EFCAB6: variants seen among roughly 807,000 people sequenced by gnomAD.
The protein encoded by EFCAB6 is EF-hand calcium-binding domain-containing protein 6.
In EFCAB6, 156 loss-of-function variants were observed where a neutral mutation model predicts 169.8. The observed-to-expected ratio is 0.92, with a 90% confidence interval of 0.81 to 1.05. The LOEUF (loss-of-function observed/expected upper bound fraction) is 1.05, where lower values mean the gene tolerates loss of function less well. Ranked by LOEUF, EFCAB6 falls within the 50% of genes least tolerant of loss-of-function variation. The pLI is 0.00. For synonymous variants in EFCAB6, 698 were observed against 676.4 expected (o/e 1.03, Z -0.50); for missense variants, 1,800 against 1,829.1 (o/e 0.98, Z 0.29).
rs750042471 is a variant in EFCAB6 at position 43,528,830 on chromosome 22, C to T, written c.*23G>A. ...GAAACAGGCCCTGTGGCTGTCGTCCCGCTGGGCACACAGCAGGGGTGTCTA... is the reference window on the plus strand; with the variant it reads ...GAAACAGGCCCTGTGGCTGTCGTCCTGCTGGGCACACAGCAGGGGTGTCTA... On this transcript the variant is annotated 3_prime_UTR_variant, in exon 32 of 32. Transcript: ENST00000262726. 22 of 1,576,294 alleles carry T rather than the reference C, an allele frequency of 1.4e-5. No individual in the cohort carries two copies. Among genetic ancestry groups the T allele is most frequent in the East Asian group, 2.3e-5 (1 of 43,954 alleles).
intron 6 of EFCAB6, among the ~76,000 whole-genome samples, chr22:43,737,590 C>G (rs2060193377): frequency 6.6e-6 from 1 of 151,636 alleles, no homozygotes; most frequent in Non-Finnish European, 1.5e-5. Context: ...CTCACACATA[C>G]ACCATCACTC....
At chr22:43,559,960 C>T (rs1415078202) in intron 26 of EFCAB6, among the ~76,000 whole-genome samples, 1 of 152,150 alleles carries the variant, frequency 6.6e-6, no homozygotes, top group African/African-American at 2.4e-5. Flanking sequence ...AGGAAACCAC[C>T]ATGGCACATG....
At chr22:43,662,343 T>C (rs2057046845) in intron 17 of EFCAB6, among the ~76,000 whole-genome samples, 1 of 152,174 alleles carries the variant, frequency 6.6e-6, no homozygotes, top group African/African-American at 2.4e-5. Flanking sequence ...CCATTCTCCC[T>C]CATTGATCCG....
chr22:43,763,536 A>C (rs2147917059), intron 5 of EFCAB6, among the ~76,000 whole-genome samples: 1 of 152,246 alleles, frequency 6.6e-6, no homozygotes, highest in Non-Finnish European at 1.5e-5. Flanking sequence ...CTTACACCTA[A>C]ACTGCATCAG....
chr22:43,648,729 A>C lies in EFCAB6; in HGVS notation c.1984-13513T>G, dbSNP rs118009565. On this transcript the variant is annotated intron_variant, in intron 17 of 31. Coordinates refer to ENST00000262726, the MANE Select transcript of EFCAB6 (RefSeq NM_022785.4). ...TAAAATGTTGAAATTATTGTAAATA[A>C]TAATAATAACGAAGAAGAAGAATCA... 1.5e-4 allele frequency among the ~76,000 whole-genome samples: 23 copies of C among 152,334 alleles called. No individual in the cohort carries two copies. In the East Asian group the frequency reaches 4.4e-3, roughly 29 times the overall value.
intron 2 of EFCAB6, among the ~76,000 whole-genome samples, chr22:43,803,993 C>T (rs904797534): frequency 2.0e-5 from 3 of 152,140 alleles, no homozygotes; most frequent in African/African-American, 7.2e-5. Context: ...ATTATAGACA[C>T]GCACCACTGT....
chr22:43,680,227 C>T (rs899575766), intron 12 of EFCAB6, among the ~76,000 whole-genome samples: 3 of 152,168 alleles, frequency 2.0e-5, no homozygotes, highest in African/African-American at 7.2e-5. Context: ...CTTTCCCCCA[C>T]TGAATTTGTC....
intron 9 of EFCAB6, 64 bp from the exon 10 acceptor site, chr22:43,711,687 AT>A: frequency 6.5e-7 from 1 of 1,538,246 alleles, no homozygotes; most frequent in East Asian, 2.4e-5. Context: ...CTATTCAACC[AT>A]TTTATTTTTA....
At chr22:43,684,615 T>A (rs1416844823) in intron 11 of EFCAB6, among the ~76,000 whole-genome samples, 2 of 152,124 alleles carry the variant, frequency 1.3e-5, no homozygotes, top group African/African-American at 2.4e-5. Context: ...TGTTTGGGAG[T>A]TTTTGTTGCT....
intron 24 of EFCAB6, among the ~76,000 whole-genome samples, chr22:43,583,862 AT>A (rs76367008): frequency 0.039 from 5,874 of 151,946 alleles, 125 homozygotes; most frequent in African/African-American, 0.05. Context: ...CACAGTTTAC[AT>A]TTTTTTATGG....
At chr22:43,576,241 A>T in intron 26 of EFCAB6, 56 bp downstream of exon 26, 1 of 1,485,970 alleles carries the variant, frequency 6.7e-7, no homozygotes. Context: ...CCATTTTGTA[A>T]AAACTAATTT....
intron 7 of EFCAB6, among the ~76,000 whole-genome samples, chr22:43,734,907 A>G (rs2060077595): frequency 6.6e-6 from 1 of 152,184 alleles, no homozygotes; most frequent in South Asian, 2.1e-4. Context: ...TCTTTATGAG[A>G]TACAAGGAGC....
chr22:43,703,256 C>A (rs2058831488), intron 10 of EFCAB6, among the ~76,000 whole-genome samples: 1 of 152,238 alleles, frequency 6.6e-6, no homozygotes, highest in Non-Finnish European at 1.5e-5. Flanking sequence ...AGAGCCAACA[C>A]AGTAGCCCAG....
At chr22:43,655,814 C>T (rs1199511169) in intron 17 of EFCAB6, among the ~76,000 whole-genome samples, 1 of 152,110 alleles carries the variant, frequency 6.6e-6, no homozygotes, top group Non-Finnish European at 1.5e-5. Context: ...GCCATGTGAA[C>T]ACTCATCAAA....
In EFCAB6 at chr22:43,530,858, T is replaced by A. The variant is rs776633265; in HGVS notation, c.4340A>T (p.Asp1447Val). The A allele has an allele frequency of 1.9e-6, 3 of 1,614,054 alleles. No individual in the cohort carries two copies. Among genetic ancestry groups the A allele is most frequent in the Non-Finnish European group, 2.5e-6 (3 of 1,180,054 alleles). The change falls in exon 31 of 32, where the codon GAT becomes GTT. Residue 1447 changes from aspartate (D) to valine (V), a missense_variant. Coordinates refer to ENST00000262726, the MANE Select transcript of EFCAB6 (RefSeq NM_022785.4). ...RPMRRTFKSYDEAGTGLLSVA... is the reference protein window; with the variant it reads ...RPMRRTFKSYVEAGTGLLSVA... The stretch of plus-strand genomic sequence containing the variant: ...GCTTAGCAGCCCTGTTCCAGCCTCA[T>A]CATAGCTTTTGAACGTGCGCCGCAT...
chr22:43,725,353 C>T (rs962076916), intron 8 of EFCAB6, among the ~76,000 whole-genome samples: 7 of 152,258 alleles, frequency 4.6e-5, no homozygotes, highest in Non-Finnish European at 4.4e-5. Flanking sequence ...GTTAGTCAGG[C>T]TGGTCTTGAA....
rs568179388 is a variant in EFCAB6, at chr22:43,710,866, T to C, written c.1031+609A>G. ...AGGGTAGGGAGTCAGGGGAGGGAGA[T>C]AGGGAAACATGTAAAATGACACTGT... On this transcript the variant is annotated intron_variant, in intron 10 of 31. Coordinates refer to ENST00000262726, the MANE Select transcript of EFCAB6 (RefSeq NM_022785.4). Among the ~76,000 whole-genome samples the C allele has an allele frequency of 1.6e-4, 25 of 152,158 alleles. No individual in the cohort carries two copies. The South Asian group carries it at 1.9e-3, about 11-fold the overall frequency.
rs577329341 is a variant in EFCAB6 at position 43,552,777 on chromosome 22, G to C, written c.3648+2092C>G. On this transcript the variant is annotated intron_variant, in intron 27 of 31. Coordinates refer to ENST00000262726, the MANE Select transcript of EFCAB6 (RefSeq NM_022785.4). The stretch of plus-strand genomic sequence containing the variant: ...TGTCATTAATTTCTATCTATAATTA[G>C]AGTAAAATTTTACTCATTTAGGTGA... 7.2e-5 allele frequency: 11 copies of C among 152,148 alleles called. No individual in the cohort carries two copies. In the East Asian group the frequency reaches 1.7e-3, roughly 24 times the overall value. 9.4% of individuals were successfully genotyped at this position (152,148 alleles called of 1,614,324 possible).
At chr22:43,737,786 TACACACACACACCTGTGCATATACTC>T (rs1569457403) in intron 6 of EFCAB6, among the ~76,000 whole-genome samples, 1 of 144,338 alleles carries the variant, frequency 6.9e-6, no homozygotes, top group Non-Finnish European at 1.5e-5. Context: ...CACATATTCA[TACACACACACACCTGTGCATATACTC>T]ACACACACTC....
Sources: allele counts gnomAD v4.1 joint callset (sites outside exome capture counted in the v4.1 genomes callset), GRCh38; gene constraint gnomAD v4.1.1; transcripts MANE v1.5; gene names NCBI Gene and HGNC (gene_info 2026-07-23, HGNC 2026-07-21).